FOXN3: variants seen among roughly 807,000 people sequenced by gnomAD.
FOXN3 encodes forkhead box N3.
Under a neutral mutation model 38.4 loss-of-function variants are expected in FOXN3, and 7 were observed. That is an observed-to-expected ratio of 0.18 (90% confidence interval 0.10 to 0.34). FOXN3 has a LOEUF of 0.34. FOXN3 is among the 10% of genes least tolerant of loss of function. The pLI is 1.00. For missense variants in FOXN3, 456 were observed against 613.4 expected, an observed-to-expected ratio of 0.74 and a Z score of 2.71; for synonymous variants, 230 against 242.2, an observed-to-expected ratio of 0.95 and a Z score of 0.47.
At chr14:89,618,887 AG>A (rs1208250969) in intron 1 of FOXN3, 2 of 152,376 alleles carry the variant, frequency 1.3e-5, no homozygotes, top group Non-Finnish European at 2.9e-5. Context: ...ATCTGAAACC[AG>A]GTGGAAATAG....
chr14:89,375,396 A>C (rs1357946007), intron 2 of FOXN3, among the ~76,000 whole-genome samples: 2 of 152,174 alleles, frequency 1.3e-5, no homozygotes, highest in African/African-American at 4.8e-5. Context: ...ACATAACCTC[A>C]CCAGAAAAAA....
chr14:89,414,622 C>G (rs1033209453), intron 1 of FOXN3, among the ~76,000 whole-genome samples: 21 of 147,560 alleles, frequency 1.4e-4, no homozygotes, highest in Non-Finnish European at 1.2e-4. Flanking sequence ...GGTGCAAAAT[C>G]CGCTCACTGC....
At chr14:89,504,815 C>A (rs930349867) in intron 1 of FOXN3, among the ~76,000 whole-genome samples, 2 of 152,204 alleles carry the variant, frequency 1.3e-5, no homozygotes, top group Non-Finnish European at 2.9e-5. Context: ...GCAACCACGG[C>A]CCACAGGACC....
At chr14:89,596,356 C>T (rs764835606) in intron 1 of FOXN3, among the ~76,000 whole-genome samples, 4 of 152,112 alleles carry the variant, frequency 2.6e-5, no homozygotes, top group African/African-American at 4.8e-5. Flanking sequence ...AGGCTGGTCT[C>T]GAACTCCTGA....
intron 3 of FOXN3, among the ~76,000 whole-genome samples, chr14:89,340,184 AT>A (rs1888577480): frequency 6.6e-6 from 1 of 152,076 alleles, no homozygotes; most frequent in Admixed American, 6.5e-5. Flanking sequence ...TTTCCCATTC[AT>A]TTTTCTTCTG....
intron 3 of FOXN3, among the ~76,000 whole-genome samples, chr14:89,287,155 T>A (rs886262604): frequency 2.0e-5 from 3 of 151,456 alleles, no homozygotes; most frequent in Non-Finnish European, 4.4e-5. Flanking sequence ...GTTTTTCTTT[T>A]AGTTGTTTTT....
At chr14:89,516,601 AC>A (rs1235193963) in intron 1 of FOXN3, among the ~76,000 whole-genome samples, 2 of 135,636 alleles carry the variant, frequency 1.5e-5, no homozygotes, top group Non-Finnish European at 3.1e-5. Flanking sequence ...TCACTCTGTC[AC>A]CCAGGCTGGA....
chr14:89,392,118 G>A (rs1890965272), intron 2 of FOXN3, among the ~76,000 whole-genome samples: 1 of 152,132 alleles, frequency 6.6e-6, no homozygotes, highest in East Asian at 1.9e-4. Context: ...ACCCAGTTAG[G>A]TTTCAAATAT....
intron 2 of FOXN3, among the ~76,000 whole-genome samples, chr14:89,378,070 C>T (rs1411932834): frequency 6.6e-6 from 1 of 152,184 alleles, no homozygotes; most frequent in Admixed American, 6.5e-5. Flanking sequence ...TTTTATTAAG[C>T]CAACCAGGCT....
intron 4 of FOXN3, among the ~76,000 whole-genome samples, chr14:89,207,988 C>G (rs1888429182): frequency 6.6e-6 from 1 of 150,584 alleles, no homozygotes. Flanking sequence ...CAGTGCATGC[C>G]TGGTTGGGGT....
At chr14:89,283,941 A>G (rs1886538637) in intron 3 of FOXN3, among the ~76,000 whole-genome samples, 1 of 151,848 alleles carries the variant, frequency 6.6e-6, no homozygotes, top group Non-Finnish European at 1.5e-5. Flanking sequence ...GCTCACTGCA[A>G]CCTCCACCTG....
intron 1 of FOXN3, among the ~76,000 whole-genome samples, chr14:89,580,641 G>T (rs1474926164): frequency 1.3e-5 from 2 of 152,160 alleles, no homozygotes; most frequent in African/African-American, 4.8e-5. Flanking sequence ...AATTGAGGCA[G>T]CTCTCCCTCA....
chr14:89,202,881 G>A (rs140910443), intron 4 of FOXN3, among the ~76,000 whole-genome samples: 1 of 152,008 alleles, frequency 6.6e-6, no homozygotes, highest in East Asian at 1.9e-4. Flanking sequence ...GCAGGCTCAG[G>A]TATTCCTTTC....
chr14:89,359,397 T>C (rs900327698), intron 2 of FOXN3, among the ~76,000 whole-genome samples: 4 of 152,168 alleles, frequency 2.6e-5, no homozygotes, highest in Admixed American at 1.3e-4. Context: ...AACCATTCAG[T>C]GCCTGCCTGA....
At chr14:89,542,821 A>C (rs140202995) in intron 1 of FOXN3, among the ~76,000 whole-genome samples, 186 of 152,342 alleles carry the variant, frequency 1.2e-3, no homozygotes, top group African/African-American at 4.3e-3. Flanking sequence ...GCAAGGAAAC[A>C]CATTTGGCTG....
At chr14:89,607,646 A>T (rs549939893) in intron 1 of FOXN3, among the ~76,000 whole-genome samples, 4 of 151,976 alleles carry the variant, frequency 2.6e-5, no homozygotes, top group Non-Finnish European at 5.9e-5. Flanking sequence ...ACAAGTTCTG[A>T]TAAAGCCAAG....
At chr14:89,562,209 G>C (rs1895264113) in intron 1 of FOXN3, among the ~76,000 whole-genome samples, 1 of 152,106 alleles carries the variant, frequency 6.6e-6, no homozygotes, top group Non-Finnish European at 1.5e-5. Flanking sequence ...TTACTTCCAA[G>C]TTGTCGTCTG....
chr14:89,417,866 C>CAAG (rs1891796689), upstream of FOXN3: 1 of 417,912 alleles, frequency 2.4e-6, no homozygotes. Context: ...CATTACAAGA[C>CAAG]AAGAGGCACC....
intron 1 of FOXN3, among the ~76,000 whole-genome samples, chr14:89,547,730 T>A (rs1246659182): frequency 6.6e-6 from 1 of 152,232 alleles, no homozygotes; most frequent in African/African-American, 2.4e-5. Flanking sequence ...TAGATACTAT[T>A]TCTATCTTAC....
Sources: allele counts gnomAD v4.1 joint callset (sites outside exome capture counted in the v4.1 genomes callset), GRCh38; gene constraint gnomAD v4.1.1; transcripts MANE v1.5; gene names NCBI Gene and HGNC (gene_info 2026-07-23, HGNC 2026-07-21).